MTA3: variants seen among roughly 807,000 people sequenced by gnomAD.
MTA3 encodes the protein metastasis associated 1 family member 3, also known as metastasis-associated protein MTA3.
Under a neutral mutation model 83.5 loss-of-function variants are expected in MTA3, and 34 were observed. That is an observed-to-expected ratio of 0.41 (90% CI 0.31 to 0.54). The LOEUF is 0.54. Among genes scored for constraint, MTA3 ranks in the 20% least tolerant of loss-of-function variants. The pLI, the probability that MTA3 is intolerant of heterozygous loss-of-function variation, is 0.33. For missense variants in MTA3, 761 were observed against 726.4 expected (o/e 1.05, Z -0.55); for synonymous variants, 303 against 252.7 (o/e 1.20, Z -1.89).
chr2:42,598,606 C>T (rs555837128), intron 3 of MTA3, among the ~76,000 whole-genome samples: 166 of 152,160 alleles, frequency 1.1e-3, no homozygotes, highest in African/African-American at 3.9e-3. Flanking sequence ...TATTTATCTC[C>T]TTAAAATTTA....
At chr2:42,626,263 A>G (rs1220898072) in intron 4 of MTA3, among the ~76,000 whole-genome samples, 1 of 147,162 alleles carries the variant, frequency 6.8e-6, no homozygotes, top group Admixed American at 6.8e-5. Flanking sequence ...ATTCTTATTC[A>G]AAACCAAGGT....
At chr2:42,688,104 A>G (rs1189870393) in intron 9 of MTA3, among the ~76,000 whole-genome samples, 2 of 152,212 alleles carry the variant, frequency 1.3e-5, no homozygotes, top group East Asian at 3.9e-4. Flanking sequence ...TTCAGTTAGA[A>G]AAACAGGACC....
chr2:42,604,862 T>G (rs1400573966), intron 3 of MTA3, among the ~76,000 whole-genome samples: 4 of 148,820 alleles, frequency 2.7e-5, no homozygotes, highest in Non-Finnish European at 4.5e-5. Context: ...TAACCCTGAG[T>G]GGACACAGCA....
At chr2:42,553,459 G>T (rs1204429614) in intron 2 of MTA3, among the ~76,000 whole-genome samples, 1 of 145,222 alleles carries the variant, frequency 6.9e-6, no homozygotes, top group Non-Finnish European at 1.5e-5. Flanking sequence ...TGTTGGGCCA[G>T]ACACGGTGGC....
At chr2:42,750,045 G>T (rs1669753441) in intron 16 of MTA3, among the ~76,000 whole-genome samples, 1 of 152,012 alleles carries the variant, frequency 6.6e-6, no homozygotes, top group Non-Finnish European at 1.5e-5. Context: ...AGGCTGGAGT[G>T]CAGTGGCACA....
intron 4 of MTA3, among the ~76,000 whole-genome samples, chr2:42,629,866 C>T (rs1223481158): frequency 2.6e-5 from 4 of 151,838 alleles, no homozygotes; most frequent in Admixed American, 6.6e-5. Flanking sequence ...GCAACCTCTG[C>T]CTCCCAGGTT....
At chr2:42,731,998 A>G (rs530569584) in intron 16 of MTA3, among the ~76,000 whole-genome samples, 1 of 152,300 alleles carries the variant, frequency 6.6e-6, no homozygotes, top group East Asian at 1.9e-4. Flanking sequence ...CTCCAAAATG[A>G]TCTCCTTTGA....
chr2:42,755,003 T>G lies in MTA3; in HGVS notation c.*1604T>G. ...CACCCACTCTTGGAGCTGTGCTGGG[T>G]CTTGGCTTGGGGCGCTGAGGGTGGG... On this transcript the variant is annotated 3_prime_UTR_variant, in exon 17 of 17. Transcript: ENST00000405094. 1 of 985,634 alleles carries G rather than the reference T, an allele frequency of 1.0e-6. No individual in the cohort carries two copies. Among genetic ancestry groups the G allele is most frequent in the South Asian group, 4.7e-5 (1 of 21,282 alleles). The allele number at this position is 985,634 out of a possible 1,614,324, so 61.1% of individuals were successfully genotyped here.
At chr2:42,676,094 C>T (rs181417692) in intron 8 of MTA3, among the ~76,000 whole-genome samples, 5 of 152,286 alleles carry the variant, frequency 3.3e-5, no homozygotes, top group Admixed American at 6.5e-5. Flanking sequence ...TTCATATCTC[C>T]TGGTGAACAG....
At chr2:42,499,461 C>T (rs113117762) in intron 2 of MTA3, among the ~76,000 whole-genome samples, 67,394 of 151,026 alleles carry the variant, frequency 0.45, 15,337 homozygotes, top group Middle Eastern at 0.54. Context: ...CCACCACGCC[C>T]GGCGAGGGTA....
Position 42,603,469 on chromosome 2 carries a change from CT to C in MTA3, c.191-5985del, listed in dbSNP as rs1310407475. On this transcript the variant is annotated intron_variant, in intron 3 of 16. Transcript: ENST00000405094. ...TGGAATTTATTACAGTATTGGGCAGCTTTTGCCCGATGCAGTGTTCTTTGAA... is the reference window on the plus strand; with the variant it reads ...TGGAATTTATTACAGTATTGGGCAGCTTTGCCCGATGCAGTGTTCTTTGAA... Among the ~76,000 whole-genome samples the C allele has an allele frequency of 2.0e-5, 3 of 152,232 alleles. No homozygotes were observed. The East Asian group carries it at 5.8e-4, about 29-fold the overall frequency.
intron 8 of MTA3, among the ~76,000 whole-genome samples, chr2:42,672,962 T>C (rs1690967995): frequency 1.3e-5 from 2 of 151,158 alleles, no homozygotes; most frequent in African/African-American, 4.9e-5. Context: ...TTCTCCTGCC[T>C]CAGCCTCCCA....
At chr2:42,749,754 C>T (rs1280175234) in intron 16 of MTA3, among the ~76,000 whole-genome samples, 1 of 152,094 alleles carries the variant, frequency 6.6e-6, no homozygotes, top group South Asian at 2.1e-4. Context: ...AGGCGTGAGT[C>T]ACCACACCTG....
intron 6 of MTA3, among the ~76,000 whole-genome samples, chr2:42,652,791 A>G (rs1045435550): frequency 6.6e-6 from 1 of 152,172 alleles, no homozygotes; most frequent in Non-Finnish European, 1.5e-5. Context: ...GTAACTTGTT[A>G]TTCTTTTGAT....
chr2:42,694,384 C>T (rs1405787385), intron 9 of MTA3, among the ~76,000 whole-genome samples: 1 of 152,140 alleles, frequency 6.6e-6, no homozygotes, highest in African/African-American at 2.4e-5. Flanking sequence ...CGTAGGTCCT[C>T]AGAGCACTTC....
chr2:42,753,034 C>G (rs1404542862), intron 16 of MTA3, among the ~76,000 whole-genome samples: 1 of 152,026 alleles, frequency 6.6e-6, no homozygotes, highest in African/African-American at 2.4e-5. Context: ...AAGCAGTCCT[C>G]CCCCCTCAGC....
Position 42,552,635 on chromosome 2 carries a change from A to AAAAG in MTA3, c.-140-17799_-140-17798insGAAA, listed in dbSNP as rs1677167913. ...GAGACTCCTTGTCCAAAAAAAAAAA[A>AAAAG]AAAAGAAGAAGAAGAAGAAAAAGAA... On this transcript the variant is annotated intron_variant, in intron 2 of 17. Transcript: ENST00000405592. Among the ~76,000 whole-genome samples the AAAAG allele has an allele frequency of 3.3e-5, 5 of 151,928 alleles. No individual in the cohort carries two copies. In the South Asian group the frequency reaches 1.0e-3, roughly 32 times the overall value.
chr2:42,560,659 C>G (rs1677632065), intron 2 of MTA3, among the ~76,000 whole-genome samples: 1 of 151,630 alleles, frequency 6.6e-6, no homozygotes, highest in Non-Finnish European at 1.5e-5. Flanking sequence ...AATCACAGCA[C>G]TTTGGGAGGC....
At chr2:42,605,943 A>C (rs1683284908) in intron 3 of MTA3, among the ~76,000 whole-genome samples, 1 of 23,480 alleles carries the variant, frequency 4.3e-5, no homozygotes, top group Non-Finnish European at 7.9e-5. Context: ...CACCTCCCCG[A>C]CGGGGCGGCT....
Sources: gnomAD v4.1 joint callset for allele counts (sites outside exome capture counted in the v4.1 genomes callset) on GRCh38, gnomAD v4.1.1 for gene constraint, MANE v1.5 for transcripts, NCBI Gene and HGNC (gene_info 2026-07-23, HGNC 2026-07-21) for gene names.